The following PRDM5 variants were observed in gnomAD, a reference collection of about 807,000 sequenced individuals.
PRDM5 encodes the protein PR domain zinc finger protein 5.
PRDM5 carries 56 observed loss-of-function variants against 81.2 expected under a neutral mutation model. The ratio of observed to expected loss-of-function variants is 0.69; its 90% CI spans 0.56 to 0.86. PRDM5 has a LOEUF of 0.86. Ranked by LOEUF, PRDM5 falls within the 40% of genes least tolerant of loss-of-function variation. The pLI is 0.00. For synonymous variants in PRDM5, 267 were observed against 256.4 expected (o/e 1.04, Z -0.39); for missense variants, 697 against 770.1 (o/e 0.91, Z 1.12).
chr4:120,764,371 A>C (rs1746075431), intron 13 of PRDM5, among the ~76,000 whole-genome samples: 1 of 152,166 alleles, frequency 6.6e-6, no homozygotes, highest in Non-Finnish European at 1.5e-5. Flanking sequence ...TCACTCTCTC[A>C]CTTTTCACTC....
At chr4:120,854,898 G>T (rs1759695762) in intron 2 of PRDM5, among the ~76,000 whole-genome samples, 1 of 151,936 alleles carries the variant, frequency 6.6e-6, no homozygotes, top group Non-Finnish European at 1.5e-5. Flanking sequence ...CAAGGAGAAA[G>T]GCCTTCGGTT....
intron 9 of PRDM5, 87 bp downstream of exon 9, chr4:120,799,574 T>C (rs529184404): frequency 6.2e-5 from 95 of 1,537,090 alleles, no homozygotes; most frequent in Middle Eastern, 4.8e-4. Context: ...CTAAGGCCCC[T>C]GATTACCACT....
chr4:120,776,747 T>C (rs1264350480), intron 13 of PRDM5, among the ~76,000 whole-genome samples: 1 of 152,100 alleles, frequency 6.6e-6, no homozygotes, highest in Non-Finnish European at 1.5e-5. Context: ...ATAACAGATA[T>C]TACATTCACA....
At chr4:120,772,916 T>A (rs1401908564) in intron 13 of PRDM5, among the ~76,000 whole-genome samples, 1 of 152,230 alleles carries the variant, frequency 6.6e-6, no homozygotes, top group African/African-American at 2.4e-5. Context: ...GCTAGTGACT[T>A]CAATTTGTAA....
chr4:120,831,254 C>T (rs897550109), intron 3 of PRDM5, among the ~76,000 whole-genome samples: 3 of 151,924 alleles, frequency 2.0e-5, no homozygotes, highest in Admixed American at 1.3e-4. Flanking sequence ...TTTAACTGAC[C>T]TCCCCTTAAT....
At chr4:120,731,211 AG>A (rs1740200176) in intron 14 of PRDM5, among the ~76,000 whole-genome samples, 2 of 152,172 alleles carry the variant, frequency 1.3e-5, no homozygotes, top group Non-Finnish European at 2.9e-5. Context: ...AGATTTTTAC[AG>A]GTGTAATTTG....
At chr4:120,742,940 T>C (rs568067354) in intron 14 of PRDM5, among the ~76,000 whole-genome samples, 1 of 152,076 alleles carries the variant, frequency 6.6e-6, no homozygotes, top group South Asian at 2.1e-4. Flanking sequence ...GCCACAAAGA[T>C]ACTCCTCGAG....
chr4:120,688,666 C>T (rs1385617078), downstream of PRDM5, among the ~76,000 whole-genome samples: 1 of 151,976 alleles, frequency 6.6e-6, no homozygotes, highest in East Asian at 1.9e-4. Flanking sequence ...GTGTAAGGCT[C>T]CAACTTCTTT....
chr4:120,824,055 C>G (rs545178860), intron 3 of PRDM5, among the ~76,000 whole-genome samples: 1 of 152,278 alleles, frequency 6.6e-6, no homozygotes, highest in East Asian at 1.9e-4. Context: ...GAAGCCATCA[C>G]CAGAAGCAGA....
intron 9 of PRDM5, 64 bp from the exon 10 acceptor site, chr4:120,798,488 C>T (rs1459273372): frequency 1.4e-6 from 2 of 1,405,830 alleles, no homozygotes; most frequent in Middle Eastern, 2.3e-4. Context: ...AAAGAGAAAA[C>T]ACCCTTACCT....
At chr4:120,816,741 G>T in intron 6 of PRDM5, 91 bp downstream of exon 6, 1 of 1,512,610 alleles carries the variant, frequency 6.6e-7, no homozygotes, top group Non-Finnish European at 9.2e-7. Context: ...CTGTAGGTAT[G>T]TGAAACTGAA....
intron 13 of PRDM5, among the ~76,000 whole-genome samples, chr4:120,760,750 T>TC (rs1338163801): frequency 1.4e-5 from 2 of 147,768 alleles, no homozygotes; most frequent in Admixed American, 6.8e-5. Context: ...TAAATAGACT[T>TC]TTTTTTTTTT....
chr4:120,772,781 A>C (rs1747485399), intron 13 of PRDM5, among the ~76,000 whole-genome samples: 1 of 152,128 alleles, frequency 6.6e-6, no homozygotes, highest in Non-Finnish European at 1.5e-5. Context: ...AATCACCAAG[A>C]CTCTTTACAA....
intron 8 of PRDM5, among the ~76,000 whole-genome samples, chr4:120,802,615 G>A (rs1352040659): frequency 6.6e-6 from 1 of 152,212 alleles, no homozygotes; most frequent in Non-Finnish European, 1.5e-5. Context: ...TGGACCTCCA[G>A]CAAACTCCAA....
intron 14 of PRDM5, among the ~76,000 whole-genome samples, chr4:120,742,466 T>C (rs1466627059): frequency 2.0e-5 from 3 of 152,116 alleles, no homozygotes; most frequent in Non-Finnish European, 2.9e-5. Flanking sequence ...AGGCTTCAGA[T>C]GATCAAATTA....
chr4:120,860,133 G>A (rs1447344697), intron 2 of PRDM5, among the ~76,000 whole-genome samples: 1 of 152,170 alleles, frequency 6.6e-6, no homozygotes, highest in Admixed American at 6.5e-5. Flanking sequence ...AAGTATAACT[G>A]AAGAACTTGG....
chr4:120,875,035 T>C (rs1290659572), intron 2 of PRDM5, among the ~76,000 whole-genome samples: 1 of 152,116 alleles, frequency 6.6e-6, no homozygotes, highest in Non-Finnish European at 1.5e-5. Flanking sequence ...CAAGCTCACT[T>C]TTCTGATGGG....
chr4:120,731,856 A>G (rs973469452), intron 14 of PRDM5: 1 of 152,186 alleles, frequency 6.6e-6, no homozygotes, highest in South Asian at 2.1e-4. Flanking sequence ...TGGAATGCCT[A>G]CTTCTGCACA....
intron 14 of PRDM5, among the ~76,000 whole-genome samples, chr4:120,712,120 T>C (rs1737081413): frequency 6.6e-6 from 1 of 151,938 alleles, no homozygotes. Context: ...ACCCCGTCTC[T>C]ACTAAAAATA....
Sources: allele counts gnomAD v4.1 joint callset (sites outside exome capture counted in the v4.1 genomes callset), GRCh38; gene constraint gnomAD v4.1.1; transcripts MANE v1.5; gene names NCBI Gene and HGNC (gene_info 2026-07-23, HGNC 2026-07-21).